Variants in RGL1 observed in about 807,000 individuals in gnomAD.
The protein encoded by RGL1 is ral guanine nucleotide dissociation stimulator-like 1.
Under a neutral mutation model 95.2 loss-of-function variants are expected in RGL1, and 24 were observed. That is an observed-to-expected ratio of 0.25 (90% CI 0.18 to 0.35). The LOEUF (loss-of-function observed/expected upper bound fraction) is 0.35. Ranked by LOEUF, RGL1 falls within the 10% of genes least tolerant of loss-of-function variation. The pLI is 1.00. For missense variants in RGL1, 715 were observed against 936.3 expected (o/e 0.76, Z 3.08); for synonymous variants, 329 against 344.9 (o/e 0.95, Z 0.51).
At chr1:183,649,457 A>T (rs780070961) in intron 1 of RGL1, among the ~76,000 whole-genome samples, 1 of 152,234 alleles carries the variant, frequency 6.6e-6, no homozygotes, top group Non-Finnish European at 1.5e-5. Context: ...ATTTAACATC[A>T]ACTTTCTTAA....
chr1:183,800,193 C>G (rs1427665011), upstream of RGL1, among the ~76,000 whole-genome samples: 1 of 152,080 alleles, frequency 6.6e-6, no homozygotes, highest in Non-Finnish European at 1.5e-5. Flanking sequence ...TTTTTTAATT[C>G]TTCTTGCAGC....
chr1:183,888,396 C>G (rs1667237579), intron 7 of RGL1, 78 bp from the exon 8 acceptor site: 2 of 862,932 alleles, frequency 2.3e-6, no homozygotes, highest in Non-Finnish European at 3.9e-6. Context: ...GCTGTGATAC[C>G]TCTAAAACAG....
At chr1:183,767,977 G>T (rs867937115) in intron 2 of RGL1, among the ~76,000 whole-genome samples, 2 of 151,970 alleles carry the variant, frequency 1.3e-5, no homozygotes, top group African/African-American at 4.8e-5. Flanking sequence ...TTGCCCAACT[G>T]CCATGTATTT....
At chr1:183,801,514 C>T (rs1660992370), upstream of RGL1, among the ~76,000 whole-genome samples, 1 of 152,102 alleles carries the variant, frequency 6.6e-6, no homozygotes, top group Admixed American at 6.6e-5. Flanking sequence ...ACTTTCACTT[C>T]TCTAATTTTA....
intron 2 of RGL1, among the ~76,000 whole-genome samples, chr1:183,842,324 T>C (rs946279034): frequency 1.9e-5 from 2 of 105,010 alleles, no homozygotes; most frequent in African/African-American, 7.3e-5. Context: ...TTATTTTGAT[T>C]GAAGGGACTT....
chr1:183,741,602 A>G (rs1282404396), intron 1 of RGL1, among the ~76,000 whole-genome samples: 4 of 152,230 alleles, frequency 2.6e-5, no homozygotes, highest in Non-Finnish European at 4.4e-5. Context: ...CTTGTTTACA[A>G]TCTTTCTGTC....
At chr1:183,733,645 T>G (rs188834745) in intron 1 of RGL1, among the ~76,000 whole-genome samples, 1 of 152,194 alleles carries the variant, frequency 6.6e-6, no homozygotes, top group African/African-American at 2.4e-5. Context: ...AGAGGATTTA[T>G]TCCCATTCAG....
rs115619057 is a variant in RGL1 at position 183,877,703 on chromosome 1, G to A, written c.426-2913G>A. ...AAAATGCTTTTTTCTGGCTGATTGA[G>A]TATCTGAGTTTGTGGTGAACTTTCA... is the stretch of plus-strand genomic sequence containing the variant. On this transcript the variant is annotated intron_variant, in intron 4 of 17. Transcript: ENST00000360851. Among the ~76,000 whole-genome samples, 532 of 152,316 alleles carry A rather than the reference G, an allele frequency of 3.5e-3. 1 individual carries two copies. Among genetic ancestry groups the A allele is most frequent in the African/African-American group, 0.012 (513 of 41,558 alleles).
intron 1 of RGL1, among the ~76,000 whole-genome samples, chr1:183,712,494 AGAGT>A (rs1177257516): frequency 3.3e-5 from 5 of 152,146 alleles, no homozygotes; most frequent in Non-Finnish European, 2.9e-5. Flanking sequence ...AGAGAGAGAG[AGAGT>A]GTGTGTGTGT....
chr1:183,645,312 A>G (rs1281655073), intron 1 of RGL1, among the ~76,000 whole-genome samples: 1 of 152,182 alleles, frequency 6.6e-6, no homozygotes, highest in Non-Finnish European at 1.5e-5. Context: ...GAGTAAATCC[A>G]TTCTCCCTGT....
At chr1:183,908,293 C>T (rs1668453787) in intron 14 of RGL1, among the ~76,000 whole-genome samples, 1 of 152,102 alleles carries the variant, frequency 6.6e-6, no homozygotes, top group Non-Finnish European at 1.5e-5. Flanking sequence ...TTGCCATGTC[C>T]CCGGTGTAAC....
chr1:183,735,272 C>A (rs967127057), intron 1 of RGL1, among the ~76,000 whole-genome samples: 2 of 152,138 alleles, frequency 1.3e-5, no homozygotes, highest in Admixed American at 1.3e-4. Context: ...TATTGTGCAA[C>A]CTTGCTCAGC....
At chr1:183,681,245 C>G (rs140224751) in intron 1 of RGL1, among the ~76,000 whole-genome samples, 67,539 of 152,058 alleles carry the variant, frequency 0.44, 16,370 homozygotes, top group East Asian at 0.75. Flanking sequence ...GCATCCTTGT[C>G]TTGTGCCTGT....
intron 1 of RGL1, among the ~76,000 whole-genome samples, chr1:183,700,310 G>C (rs1476577901): frequency 6.6e-6 from 1 of 152,024 alleles, no homozygotes; most frequent in African/African-American, 2.4e-5. Context: ...GAAACATAAT[G>C]GTTGGATTTC....
chr1:183,891,733 GTTTTTTTTT>G (rs57974956), intron 8 of RGL1, among the ~76,000 whole-genome samples: 5 of 123,948 alleles, frequency 4.0e-5, no homozygotes, highest in Admixed American at 8.4e-5. Context: ...GTGTGTAACA[GTTTTTTTTT>G]TTTTTTTTTT....
At chr1:183,711,779 G>T (rs763985187) in intron 1 of RGL1, among the ~76,000 whole-genome samples, 1 of 151,898 alleles carries the variant, frequency 6.6e-6, no homozygotes, top group Non-Finnish European at 1.5e-5. Context: ...TTAACAGAAC[G>T]CTGGGAATGG....
Position 183,775,161 on chromosome 1 carries a change from C to A in RGL1, c.133-31214C>A, listed in dbSNP as rs545264376. Among the ~76,000 whole-genome samples the A allele has an allele frequency of 2.0e-5, 3 of 152,336 alleles. No homozygotes were observed. In the South Asian group the frequency reaches 6.2e-4, roughly 32 times the overall value. On this transcript the variant is annotated intron_variant, in intron 2 of 18. Coordinates refer to the RGL1 transcript ENST00000304685. ...TAAAGCCTTCTTCCTTGGCAATACT[C>A]ACTGTCTCAGTGATTGACTTTCTGT...
intron 2 of RGL1, among the ~76,000 whole-genome samples, chr1:183,772,221 A>G (rs1028117294): frequency 3.3e-5 from 5 of 152,184 alleles, no homozygotes; most frequent in African/African-American, 1.2e-4. Context: ...GGTCTGATTG[A>G]GCTGGTTAAC....
intron 1 of RGL1, among the ~76,000 whole-genome samples, chr1:183,740,387 T>C (rs1657215630): frequency 2.6e-5 from 4 of 152,236 alleles, no homozygotes; most frequent in Non-Finnish European, 5.9e-5. Flanking sequence ...TGCAAGTAGA[T>C]GGGCTTACTC....
Sources: allele counts gnomAD v4.1 joint callset (sites outside exome capture counted in the v4.1 genomes callset), GRCh38; gene constraint gnomAD v4.1.1; transcripts MANE v1.5; gene names NCBI Gene and HGNC (gene_info 2026-07-23, HGNC 2026-07-21).